The following CDYL2 variants were observed in gnomAD, a reference collection of about 807,000 sequenced individuals.
CDYL2 encodes chromodomain Y like 2.
In CDYL2, 23 loss-of-function variants were observed where a neutral mutation model predicts 49.4. The observed-to-expected ratio is 0.47, with a 90% confidence interval of 0.34 to 0.66. CDYL2 has a LOEUF of 0.66. CDYL2 is among the 30% of genes least tolerant of loss of function. The pLI is 0.01. For missense variants in CDYL2, 678 were observed against 656.4 expected, an observed-to-expected ratio of 1.03 and a Z score of -0.36; for synonymous variants, 360 against 268.8, an observed-to-expected ratio of 1.34 and a Z score of -3.32.
At chr16:80,638,824 A>T (rs1425903688) in intron 2 of CDYL2, among the ~76,000 whole-genome samples, 1 of 152,188 alleles carries the variant, frequency 6.6e-6, no homozygotes, top group Admixed American at 6.5e-5. Context: ...TTGCAAACAA[A>T]AATTAACTCA....
chr16:80,786,520 T>C (rs1907441114), intron 1 of CDYL2, among the ~76,000 whole-genome samples: 1 of 151,998 alleles, frequency 6.6e-6, no homozygotes, highest in Non-Finnish European at 1.5e-5. Context: ...TCGATGGGAG[T>C]GTAAATCAGT....
At chr16:80,649,449 A>G (rs187712308) in intron 2 of CDYL2, among the ~76,000 whole-genome samples, 99 of 152,318 alleles carry the variant, frequency 6.5e-4, no homozygotes, top group Non-Finnish European at 1.5e-4. Flanking sequence ...GATCTCTACA[A>G]TAAAAACTAT....
chr16:80,768,327 T>C (rs762737864), intron 1 of CDYL2, among the ~76,000 whole-genome samples: 1 of 152,290 alleles, frequency 6.6e-6, no homozygotes. Context: ...CTCATCACTA[T>C]CCCCAACATC....
intron 1 of CDYL2, among the ~76,000 whole-genome samples, chr16:80,691,724 A>G (rs536292437): frequency 1.2e-4 from 19 of 152,296 alleles, no homozygotes; most frequent in African/African-American, 3.8e-4. Context: ...TTTGAATAGT[A>G]TTTGTGGTGT....
intron 2 of CDYL2, among the ~76,000 whole-genome samples, chr16:80,640,318 C>A (rs1908026778): frequency 1.3e-5 from 2 of 152,120 alleles, no homozygotes; most frequent in South Asian, 4.1e-4. Context: ...AGTCATGAGG[C>A]CCAGTCTGGG....
chr16:80,684,495 G>A lies in CDYL2; in HGVS notation c.616+43C>T, dbSNP rs376037805. 2.4e-5 allele frequency: 38 copies of A among 1,567,502 alleles called. No homozygotes were observed. The African/African-American group carries it at 3.3e-4, about 13-fold the overall frequency. On this transcript the variant is annotated intron_variant, in intron 2 of 6. Transcript: ENST00000570137. The stretch of plus-strand genomic sequence containing the variant: ...AGGCTACAGGCAGAGCTCCCCTTTC[G>A]CCATGGCCAGAGCCAAACCCAAGAG...
At chr16:80,683,601 G>C (rs185895936) in intron 2 of CDYL2, among the ~76,000 whole-genome samples, 1 of 152,184 alleles carries the variant, frequency 6.6e-6, no homozygotes, top group Non-Finnish European at 1.5e-5. Flanking sequence ...ACAGCATTTA[G>C]GACCCACTAC....
intron 1 of CDYL2, among the ~76,000 whole-genome samples, chr16:80,754,031 T>C (rs1906225703): frequency 6.6e-6 from 1 of 152,252 alleles, no homozygotes; most frequent in East Asian, 1.9e-4. Context: ...TAAGGCCCTA[T>C]GCTGAGAACA....
chr16:80,620,024 C>T (rs555202733), intron 4 of CDYL2, among the ~76,000 whole-genome samples: 66 of 152,292 alleles, frequency 4.3e-4, no homozygotes, highest in African/African-American at 1.6e-3. Flanking sequence ...AGGGGCATTC[C>T]TGAATTGTGA....
chr16:80,733,213 G>A (rs544512801), intron 1 of CDYL2, among the ~76,000 whole-genome samples: 10 of 152,026 alleles, frequency 6.6e-5, no homozygotes, highest in African/African-American at 2.2e-4. Context: ...CAAAATCAGT[G>A]GTCAAAAAAA....
chr16:80,715,891 T>C (rs1904781817), intron 1 of CDYL2, among the ~76,000 whole-genome samples: 1 of 152,132 alleles, frequency 6.6e-6, no homozygotes, highest in African/African-American at 2.4e-5. Flanking sequence ...TCCCTCTTCC[T>C]CTAACTCCTA....
intron 2 of CDYL2, among the ~76,000 whole-genome samples, chr16:80,640,233 G>C (rs1908022506): frequency 6.6e-6 from 1 of 152,200 alleles, no homozygotes; most frequent in African/African-American, 2.4e-5. Context: ...GAGGAGAGGA[G>C]AGAGAAGAGT....
At chr16:80,676,575 T>G (rs1050714939) in intron 2 of CDYL2, among the ~76,000 whole-genome samples, 3 of 152,148 alleles carry the variant, frequency 2.0e-5, no homozygotes, top group Non-Finnish European at 4.4e-5. Flanking sequence ...GGCAATGAAC[T>G]GGGGTCAAGT....
intron 2 of CDYL2, among the ~76,000 whole-genome samples, chr16:80,676,380 G>C (rs1164605984): frequency 6.6e-6 from 1 of 152,168 alleles, no homozygotes; most frequent in Non-Finnish European, 1.5e-5. Context: ...CTGGGCTCAG[G>C]GAAGTGGATA....
chr16:80,671,684 T>TA (rs1399889680), intron 2 of CDYL2, among the ~76,000 whole-genome samples: 6 of 152,190 alleles, frequency 3.9e-5, no homozygotes, highest in Non-Finnish European at 8.8e-5. Flanking sequence ...CAGTGGAGAC[T>TA]AAAGAAATGC....
At chr16:80,764,195 A>G (rs573021430) in intron 1 of CDYL2, among the ~76,000 whole-genome samples, 2 of 152,344 alleles carry the variant, frequency 1.3e-5, no homozygotes, top group Admixed American at 6.5e-5. Context: ...ATTTTCCTAT[A>G]TTTCAGAAAC....
At chr16:80,685,727 A>C (rs796519750) in intron 1 of CDYL2, among the ~76,000 whole-genome samples, 4 of 152,250 alleles carry the variant, frequency 2.6e-5, no homozygotes, top group African/African-American at 2.4e-5. Context: ...TCTATCCCCA[A>C]TTTACAGTCA....
At chr16:80,702,219 A>AC (rs1904305441) in intron 1 of CDYL2, among the ~76,000 whole-genome samples, 1 of 135,660 alleles carries the variant, frequency 7.4e-6, no homozygotes, top group Non-Finnish European at 1.5e-5. Flanking sequence ...CACACACACA[A>AC]AACTATAAAA....
intron 2 of CDYL2, among the ~76,000 whole-genome samples, chr16:80,671,145 T>G (rs986579399): frequency 1.6e-4 from 25 of 152,266 alleles, no homozygotes; most frequent in African/African-American, 6.0e-4. Context: ...GGGCTCCTTA[T>G]TAATAGCTCT....
Sources: allele counts gnomAD v4.1 joint callset (sites outside exome capture counted in the v4.1 genomes callset), GRCh38; gene constraint gnomAD v4.1.1; transcripts MANE v1.5; gene names NCBI Gene and HGNC (gene_info 2026-07-23, HGNC 2026-07-21).